The following IL15RA variants were observed in gnomAD, a reference collection of about 807,000 sequenced individuals.
The protein encoded by IL15RA is interleukin 15 receptor subunit alpha.
IL15RA carries 26 observed loss-of-function variants against 24.2 expected under a neutral mutation model. That is an observed-to-expected ratio of 1.07 (90% CI 0.79 to 1.49). The LOEUF is 1.49. IL15RA is among the 40% of genes most tolerant of loss of function. IL15RA has a pLI of 0.00. For missense variants in IL15RA, 354 were observed against 356.4 expected, an observed-to-expected ratio of 0.99 and a Z score of 0.05; for synonymous variants, 166 against 157.6, an observed-to-expected ratio of 1.05 and a Z score of -0.40.
chr10:5,966,653 C>T lies in IL15RA; in HGVS notation c.89-314G>A, dbSNP rs1836601304. ...TCAGTCTCTCTTAAAGTCTTCACCC[C>T]TCTCCACCGTGGACCCAGCCTCCAA... On this transcript the variant is annotated intron_variant, in intron 1 of 6. Coordinates refer to ENST00000379977, the MANE Select transcript of IL15RA (RefSeq NM_002189.4). The surrounding 1 kb of genome is among the most constrained non-coding windows in gnomAD (Gnocchi z 6.4). Among the ~76,000 whole-genome samples the T allele has an allele frequency of 6.6e-6, 1 of 152,090 alleles. No homozygotes were observed. The highest frequency in any genetic ancestry group is 6.5e-5 in the Admixed American group (1 of 15,280).
At position 5,971,711 on chromosome 10, in the gene IL15RA, C is replaced by T. The variant is rs903930975; in HGVS notation, c.89-5372G>A. Among the ~76,000 whole-genome samples the T allele has an allele frequency of 6.6e-6, 1 of 152,212 alleles. No homozygotes were observed. Among genetic ancestry groups the T allele is most frequent in the African/African-American group, 2.4e-5 (1 of 41,446 alleles). ...CCTCTGGCCTCACAGTCACCCATCACCTTCCTTCCTTATTTTCCCCGCTGA... is the reference window on the plus strand; with the variant it reads ...CCTCTGGCCTCACAGTCACCCATCATCTTCCTTCCTTATTTTCCCCGCTGA... On this transcript the variant is annotated intron_variant, in intron 1 of 6. Coordinates refer to ENST00000379977, the MANE Select transcript of IL15RA (RefSeq NM_002189.4). The surrounding 1 kb of genome is among the most constrained non-coding windows in gnomAD (Gnocchi z 5.5).
chr10:5,972,900 A>G (rs902674896), intron 1 of IL15RA, among the ~76,000 whole-genome samples: 1 of 152,202 alleles, frequency 6.6e-6, no homozygotes, highest in African/African-American at 2.4e-5. Flanking sequence ...ATAGGAAATA[A>G]AAAATAAAAG....
rs745315484 is a variant in IL15RA at position 5,959,242 on chromosome 10, C to G, written c.616+512G>C. On this transcript the variant is annotated intron_variant, in intron 5 of 6. Transcript: ENST00000379977. The surrounding 1 kb of genome is among the most constrained non-coding windows in gnomAD (Gnocchi z 4.1). ...GCTGGCCTCAAATTCTGGCCTCAAG[C>G]AATCCTCCCATTTCGGCCTCCCAAA... Among the ~76,000 whole-genome samples the G allele has an allele frequency of 1.3e-5, 2 of 150,360 alleles. No individual in the cohort carries two copies. The highest frequency in any genetic ancestry group is 3.0e-5 in the Non-Finnish European group (2 of 67,632).
In IL15RA at chr10:5,962,758, C is replaced by T. The variant is rs1308628705; in HGVS notation, c.382+985G>A. 6.6e-6 allele frequency among the ~76,000 whole-genome samples: 1 copy of T among 152,048 alleles called. No homozygotes were observed. The highest frequency in any genetic ancestry group is 1.5e-5 in the Non-Finnish European group (1 of 68,014). On this transcript the variant is annotated intron_variant, in intron 3 of 6. Transcript: ENST00000379977. This position sits in a 1 kb window ranked among gnomAD's most constrained non-coding sequence, Gnocchi z 5.2. ...GTAGTATGAATGACAACAGACAGGC[C>T]CATCCCCCCGGGGGCAAAGGAGTAG...
rs1837569060 is a variant in IL15RA at position 5,971,316 on chromosome 10, A to C, written c.89-4977T>G. On this transcript the variant is annotated intron_variant, in intron 1 of 6. Transcript: ENST00000379977. This position sits in a 1 kb window ranked among gnomAD's most constrained non-coding sequence, Gnocchi z 5.5. ...TCTAGGACTTTCAAAACTCTGAAGT[A>C]GCCAAAAAACATATACAACAAGTCC... Among the ~76,000 whole-genome samples the C allele has an allele frequency of 6.6e-6, 1 of 152,266 alleles. No individual in the cohort carries two copies.
At chr10:5,977,194 G>A in intron 1 of IL15RA, 1 of 352,042 alleles carries the variant, frequency 2.8e-6, no homozygotes, top group Non-Finnish European at 5.1e-6. Context: ...GGGCGCAGCG[G>A]CGGCGCTCTC....
Position 5,961,622 on chromosome 10 carries a change from G to C in IL15RA, c.383-1055C>G, listed in dbSNP as rs1339314418. Among the ~76,000 whole-genome samples the C allele has an allele frequency of 6.6e-6, 1 of 152,224 alleles. No homozygotes were observed. Among genetic ancestry groups the C allele is most frequent in the Non-Finnish European group, 1.5e-5 (1 of 68,028 alleles). On this transcript the variant is annotated intron_variant, in intron 3 of 6. Coordinates refer to ENST00000379977, the MANE Select transcript of IL15RA (RefSeq NM_002189.4). This position sits in a 1 kb window ranked among gnomAD's most constrained non-coding sequence, Gnocchi z 5.2. Reference sequence around the variant, plus strand: ...GTGTGGGAGGAAAGCGTCCTGATGAGCTTGCTCTCAGGAACAGAGGCTGCC... The same window carrying C: ...GTGTGGGAGGAAAGCGTCCTGATGACCTTGCTCTCAGGAACAGAGGCTGCC...
At chr10:5,977,791 G>C (rs1490340872), upstream of IL15RA, 8 of 494,244 alleles carry the variant, frequency 1.6e-5, no homozygotes, top group Middle Eastern at 5.4e-4. Flanking sequence ...GCAAGCCCGG[G>C]AGCCTCCCGG....
chr10:5,969,750 T>G (rs1837283686), intron 1 of IL15RA, among the ~76,000 whole-genome samples: 1 of 152,178 alleles, frequency 6.6e-6, no homozygotes, highest in Non-Finnish European at 1.5e-5. Flanking sequence ...TAAAGATCAG[T>G]TTGGGGAAGA....
rs982782680 is a variant in IL15RA, at chr10:5,965,861, C to T, written c.283+284G>A. ...TCAACCTCCCAAGTAGCTGGGATTA[C>T]AGGCGCCTGCCACCACGCCCGGCTA... On this transcript the variant is annotated intron_variant, in intron 2 of 6. Coordinates refer to ENST00000379977, the MANE Select transcript of IL15RA (RefSeq NM_002189.4). The surrounding 1 kb of genome is among the most constrained non-coding windows in gnomAD (Gnocchi z 5.8). Among the ~76,000 whole-genome samples, 1 of 152,184 alleles carries T rather than the reference C, an allele frequency of 6.6e-6. No individual in the cohort carries two copies. Among genetic ancestry groups the T allele is most frequent in the African/African-American group, 2.4e-5 (1 of 41,438 alleles).
chr10:5,962,959 T>C lies in IL15RA; in HGVS notation c.382+784A>G, dbSNP rs1314084754. 6.6e-6 allele frequency among the ~76,000 whole-genome samples: 1 copy of C among 152,206 alleles called. No homozygotes were observed. Among genetic ancestry groups the C allele is most frequent in the East Asian group, 1.9e-4 (1 of 5,204 alleles). On this transcript the variant is annotated intron_variant, in intron 3 of 6. Coordinates refer to ENST00000379977, the MANE Select transcript of IL15RA (RefSeq NM_002189.4). This position sits in a 1 kb window ranked among gnomAD's most constrained non-coding sequence, Gnocchi z 5.2. ...ATTGGGCCTGACAAGCACCAAAGACTCTGTTGAAACACAGGACACTGGCAG... is the reference window on the plus strand; with the variant it reads ...ATTGGGCCTGACAAGCACCAAAGACCCTGTTGAAACACAGGACACTGGCAG...
In IL15RA at chr10:5,952,469, G is replaced by A. The variant is rs184470580; in HGVS notation, c.*626C>T. 3 of 153,076 alleles carry A rather than the reference G, an allele frequency of 2.0e-5. No individual in the cohort carries two copies. In the East Asian group the frequency reaches 5.7e-4, roughly 29 times the overall value. 9.5% of individuals were successfully genotyped at this position (153,076 alleles called of 1,614,324 possible). A position where few individuals can be genotyped will look rare whatever the true frequency, so the allele number is the denominator to read the frequency against. On this transcript the variant is annotated 3_prime_UTR_variant, in exon 7 of 7. Coordinates refer to ENST00000379977, the MANE Select transcript of IL15RA (RefSeq NM_002189.4). ...TATAATGTATAGATATAATAGACAA[G>A]GAAGTATAAATATAAACGCATATAT... is the stretch of plus-strand genomic sequence containing the variant.
At position 5,959,022 on chromosome 10, in the gene IL15RA, T is replaced by C. The variant is rs1425046019; in HGVS notation, c.616+732A>G. Among the ~76,000 whole-genome samples, 1 of 152,138 alleles carries C rather than the reference T, an allele frequency of 6.6e-6. No homozygotes were observed. Among genetic ancestry groups the C allele is most frequent in the Admixed American group, 6.6e-5 (1 of 15,258 alleles). On this transcript the variant is annotated intron_variant, in intron 5 of 6. Transcript: ENST00000379977. The surrounding 1 kb of genome is among the most constrained non-coding windows in gnomAD (Gnocchi z 4.1). ...CTCCCTTCAGCTTTTTCTTTTAGTC[T>C]TGTAAACGCTTTCCCCTTTTCCTCC...
rs201202541 is a variant in IL15RA, at chr10:5,966,372, G to A, written c.89-33C>T. On this transcript the variant is annotated intron_variant, in intron 1 of 6. Transcript: ENST00000379977. The surrounding 1 kb of genome is among the most constrained non-coding windows in gnomAD (Gnocchi z 6.4). Reference sequence around the variant, plus strand: ...AGTGCAGAGGACAGGGGACGGTGAAGAGGTTTCCACTTGTAAGAGGCGTTC... The same window carrying A: ...AGTGCAGAGGACAGGGGACGGTGAAAAGGTTTCCACTTGTAAGAGGCGTTC... 1,541 of 1,576,950 alleles carry A rather than the reference G, an allele frequency of 9.8e-4. 6 individuals are homozygous for A. The highest frequency in any genetic ancestry group is 1.0e-3 in the Non-Finnish European group (1,178 of 1,149,148).
At chr10:5,957,383 C>A (rs1262494014) in intron 5 of IL15RA, among the ~76,000 whole-genome samples, 1 of 152,038 alleles carries the variant, frequency 6.6e-6, no homozygotes, top group East Asian at 1.9e-4. Flanking sequence ...TCAAGCAATT[C>A]TCCTGCCTCA....
Position 5,962,790 on chromosome 10 carries a change from C to G in IL15RA, c.382+953G>C, listed in dbSNP as rs1835827129. Among the ~76,000 whole-genome samples the G allele has an allele frequency of 6.6e-6, 1 of 151,950 alleles. No individual in the cohort carries two copies. Among genetic ancestry groups the G allele is most frequent in the African/African-American group, 2.4e-5 (1 of 41,358 alleles). ...CCCGGGGGCAAAGGAGTAGACAGGA[C>G]CAGGGAAAGCCACAGGCTGGACGAT... On this transcript the variant is annotated intron_variant, in intron 3 of 6. Transcript: ENST00000379977. The surrounding 1 kb of genome is among the most constrained non-coding windows in gnomAD (Gnocchi z 5.2).
chr10:5,977,189 C>T, intron 1 of IL15RA: 1 of 350,006 alleles, frequency 2.9e-6, no homozygotes, highest in Non-Finnish European at 5.1e-6. Context: ...GACCCGGGCG[C>T]AGCGGCGGCG....
At position 5,966,261 on chromosome 10, in the gene IL15RA, C is replaced by T. The variant is rs138176173; in HGVS notation, c.167G>A (p.Arg56Gln). The change falls in exon 2 of 7, where the codon CGG becomes CAG. Residue 56 changes from arginine (R) to glutamine (Q), a missense_variant. Coordinates refer to ENST00000379977, the MANE Select transcript of IL15RA (RefSeq NM_002189.4). The surrounding 1 kb of genome is among the most constrained non-coding windows in gnomAD (Gnocchi z 6.4). The stretch of plus-strand genomic sequence containing the variant: ...CTTGAAACCAGAGTTACAAATGTAC[C>T]GCTCCCTGGAGTACAAGCTGTAGCT... ...VKSYSLYSRERYICNSGFKRK... is the reference protein window; with the variant it reads ...VKSYSLYSREQYICNSGFKRK... 27 of 1,613,932 alleles carry T rather than the reference C, an allele frequency of 1.7e-5. No individual in the cohort carries two copies. Among genetic ancestry groups the T allele is most frequent in the Middle Eastern group, 1.6e-4 (1 of 6,078 alleles).
intron 1 of IL15RA, among the ~76,000 whole-genome samples, chr10:5,974,144 C>T (rs1172133590): frequency 6.6e-6 from 1 of 152,130 alleles, no homozygotes. Flanking sequence ...ACATTACAGG[C>T]ATGGGCTACC....
Sources: gnomAD v4.1 joint callset for allele counts (sites outside exome capture counted in the v4.1 genomes callset) on GRCh38, gnomAD v4.1.1 for gene constraint, Gnocchi (gnomAD v3.1) non-coding constraint, MANE v1.5 for transcripts, NCBI Gene and HGNC (gene_info 2026-07-23, HGNC 2026-07-21) for gene names.